Variants in RTL4 observed in about 807,000 individuals in gnomAD.
The protein encoded by RTL4 is retrotransposon Gag like 4, also known as retrotransposon Gag-like protein 4.
A neutral mutation model predicts 5.3 loss-of-function variants in RTL4; 4 were observed. The observed-to-expected ratio is 0.75, with a 90% CI of 0.37 to 1.72. RTL4 has a LOEUF of 1.72. Ranked by LOEUF, RTL4 falls within the 40% of genes most tolerant of loss-of-function variation. The pLI is 0.04. For missense variants in RTL4, 260 were observed against 227.1 expected (o/e 1.14, Z -0.93); for synonymous variants, 98 against 87.3 (o/e 1.12, Z -0.68).
chrX:112,313,607 CCTCTCTCT>C, the RTL4 span, among the ~76,000 whole-genome samples: 36 of 101,234 alleles, frequency 3.6e-4, no homozygotes, highest in East Asian at 5.9e-3. Context: ...TGCTTCAGAA[CCTCTCTCT>C]CTCTCTCTCT....
At chrX:112,150,808 T>A in the RTL4 span, among the ~76,000 whole-genome samples, 1 of 112,237 alleles carries the variant, frequency 8.9e-6, no homozygotes, top group Non-Finnish European at 1.9e-5. Context: ...TAGAGGCAAA[T>A]GTAGGACATG....
chrX:112,425,170 T>A, the RTL4 span, among the ~76,000 whole-genome samples: 2 of 111,431 alleles, frequency 1.8e-5, no homozygotes, highest in East Asian at 5.6e-4. Context: ...GTCATATAGT[T>A]GGAACTATAC....
chrX:112,183,512 C>A, the RTL4 span, among the ~76,000 whole-genome samples: 3 of 111,821 alleles, frequency 2.7e-5, no homozygotes, highest in African/African-American at 9.8e-5. Flanking sequence ...GGGTTGCAAT[C>A]CTAGTCTCTG....
At chrX:112,162,761 T>C in the RTL4 span, among the ~76,000 whole-genome samples, 1 of 111,709 alleles carries the variant, frequency 9.0e-6, no homozygotes, top group Admixed American at 9.5e-5. Flanking sequence ...CTCCCCTAAG[T>C]ATAGTTTATT....
chrX:112,358,980 G>T, the RTL4 span, among the ~76,000 whole-genome samples: 1 of 111,671 alleles, frequency 9.0e-6, no homozygotes, highest in Non-Finnish European at 1.9e-5. Flanking sequence ...TCTTCAAAGG[G>T]TAATCAGTGC....
At chrX:112,423,265 T>C in the RTL4 span, among the ~76,000 whole-genome samples, 1 of 110,466 alleles carries the variant, frequency 9.1e-6, no homozygotes, top group Non-Finnish European at 1.9e-5. Flanking sequence ...TATGGATGTA[T>C]GAAGGCAAAG....
the RTL4 span, among the ~76,000 whole-genome samples, chrX:112,304,198 A>G: frequency 1.7e-4 from 19 of 110,837 alleles, no homozygotes; most frequent in African/African-American, 6.2e-4. Flanking sequence ...GAAGTCAGAG[A>G]TCATCAAATC....
chrX:112,323,047 A>G, the RTL4 span, among the ~76,000 whole-genome samples: 5 of 112,216 alleles, frequency 4.5e-5, no homozygotes, highest in African/African-American at 1.6e-4. Context: ...AATGGAATAA[A>G]CTACAATGAA....
chrX:112,242,116 A>T, the RTL4 span, among the ~76,000 whole-genome samples: 15 of 111,631 alleles, frequency 1.3e-4, no homozygotes, highest in African/African-American at 4.2e-4. Context: ...GTATAGTTTG[A>T]AGTCAGGTAG....
the RTL4 span, among the ~76,000 whole-genome samples, chrX:112,133,205 C>A: frequency 8.9e-6 from 1 of 111,885 alleles, no homozygotes; most frequent in Non-Finnish European, 1.9e-5. Flanking sequence ...TCTTCTGTAA[C>A]ATGAAGTGAT....
chrX:112,456,555 G>C (rs61710810), exon 1 of RTL4: 9,401 of 293,835 alleles, frequency 0.032, 593 homozygotes, highest in African/African-American at 0.2. Flanking sequence ...TGGGGATGGT[G>C]TGTCATAATT....
the RTL4 span, among the ~76,000 whole-genome samples, chrX:112,276,182 A>G: frequency 0.02 from 2,236 of 111,904 alleles, 17 homozygotes; most frequent in Middle Eastern, 0.042. Context: ...CCATCCTTCC[A>G]TCATATTCTT....
At chrX:112,098,617 A>G in the RTL4 span, among the ~76,000 whole-genome samples, 2 of 111,202 alleles carry the variant, frequency 1.8e-5, no homozygotes, top group African/African-American at 6.6e-5. Context: ...GCTTTCCAGC[A>G]CCTGTTGTTT....
chrX:112,423,288 C>T, the RTL4 span, among the ~76,000 whole-genome samples: 3 of 110,641 alleles, frequency 2.7e-5, no homozygotes, highest in Non-Finnish European at 5.7e-5. Flanking sequence ...ACTTACCGAT[C>T]TCCCCAAGTA....
At chrX:112,218,370 A>G in the RTL4 span, among the ~76,000 whole-genome samples, 1 of 111,932 alleles carries the variant, frequency 8.9e-6, no homozygotes, top group Admixed American at 9.5e-5. Flanking sequence ...TGTGTTGTTA[A>G]CTGGTGCCAA....
At chrX:112,180,222 C>CA in the RTL4 span, among the ~76,000 whole-genome samples, 1 of 110,850 alleles carries the variant, frequency 9.0e-6, no homozygotes. Flanking sequence ...CCAAGCAAAG[C>CA]AAAAAATCTT....
the RTL4 span, among the ~76,000 whole-genome samples, chrX:112,415,496 G>T: frequency 9.0e-6 from 1 of 111,036 alleles, no homozygotes; most frequent in African/African-American, 3.3e-5. Context: ...CATGAACGAT[G>T]CTGCTGTGAA....
the RTL4 span, among the ~76,000 whole-genome samples, chrX:112,290,868 T>C: frequency 8.9e-6 from 1 of 112,174 alleles, no homozygotes; most frequent in Non-Finnish European, 1.9e-5. Context: ...TGAACCTTGT[T>C]TTTTGGGAGA....
the RTL4 span, among the ~76,000 whole-genome samples, chrX:112,093,895 A>G: frequency 1.8e-5 from 2 of 111,991 alleles, no homozygotes; most frequent in Non-Finnish European, 3.8e-5. Flanking sequence ...CAGCTGCCAC[A>G]TAGATTCTAC....
Sources: allele counts gnomAD v4.1 joint callset (sites outside exome capture counted in the v4.1 genomes callset), GRCh38; gene constraint gnomAD v4.1.1; transcripts MANE v1.5; gene names NCBI Gene and HGNC (gene_info 2026-07-23, HGNC 2026-07-21).